Variants in STXBP5L observed in about 807,000 individuals in gnomAD.
STXBP5L encodes the protein syntaxin-binding protein 5-like.
In STXBP5L, 65 loss-of-function variants were observed where a neutral mutation model predicts 144.5. The observed-to-expected ratio is 0.45, with a 90% CI of 0.37 to 0.55. The LOEUF (loss-of-function observed/expected upper bound fraction) is 0.55. STXBP5L is among the 20% of genes least tolerant of loss of function. The pLI, the probability that STXBP5L is intolerant of heterozygous loss-of-function variation, is 0.00. For missense variants in STXBP5L, 1,298 were observed against 1,405.5 expected, an observed-to-expected ratio of 0.92 and a Z score of 1.22; for synonymous variants, 505 against 469.6, an observed-to-expected ratio of 1.08 and a Z score of -0.97.
At chr3:121,209,960 G>T (rs1018663974) in intron 10 of STXBP5L, among the ~76,000 whole-genome samples, 2 of 152,086 alleles carry the variant, frequency 1.3e-5, no homozygotes, top group Non-Finnish European at 2.9e-5. Flanking sequence ...ATAATGGGAT[G>T]GCTGGGTCAA....
Position 121,245,817 on chromosome 3 carries a change from A to G in STXBP5L, c.1401-4906A>G, listed in dbSNP as rs181860783. The stretch of plus-strand genomic sequence containing the variant: ...CAAACATTGACAAAATTGAAGAAAC[A>G]AACAGAATAACACAATAATAGTAAT... On this transcript the variant is annotated intron_variant, in intron 14 of 26. Coordinates refer to ENST00000471454, the MANE Select transcript of STXBP5L (RefSeq NM_001308330.2). Among the ~76,000 whole-genome samples, 448 of 152,146 alleles carry G rather than the reference A, an allele frequency of 2.9e-3. 3 individuals carry two copies. Among genetic ancestry groups the G allele is most frequent in the Admixed American group, 9.5e-3 (145 of 15,296 alleles).
chr3:121,198,894 A>C (rs1464855433), intron 9 of STXBP5L, among the ~76,000 whole-genome samples: 1 of 152,166 alleles, frequency 6.6e-6, no homozygotes, highest in African/African-American at 2.4e-5. Flanking sequence ...GTAGCCTTGT[A>C]GTATAGTGTG....
intron 20 of STXBP5L, among the ~76,000 whole-genome samples, chr3:121,342,593 A>C (rs1351102666): frequency 6.8e-6 from 1 of 146,580 alleles, no homozygotes; most frequent in Admixed American, 7.2e-5. Flanking sequence ...GAGAATATGC[A>C]GTGTTTGGTT....
chr3:121,413,982 T>C (rs958208246), intron 24 of STXBP5L, among the ~76,000 whole-genome samples: 2 of 152,194 alleles, frequency 1.3e-5, no homozygotes, highest in African/African-American at 2.4e-5. Flanking sequence ...TTTCTGTGAC[T>C]TTGGGCATTT....
rs140945862 is a variant in STXBP5L, at chr3:121,060,359, C to T, written c.470+14824C>T. On this transcript the variant is annotated intron_variant, in intron 5 of 26. Coordinates refer to ENST00000471454, the MANE Select transcript of STXBP5L (RefSeq NM_001308330.2). ...GGTGGATAAGCTTTTTGATGTGCTGCTGGACTTGGTTTGTCAGTATTTTAT... is the reference window on the plus strand; with the variant it reads ...GGTGGATAAGCTTTTTGATGTGCTGTTGGACTTGGTTTGTCAGTATTTTAT... Among the ~76,000 whole-genome samples the T allele has an allele frequency of 2.8e-4, 43 of 152,228 alleles. 1 individual carries two copies. In the East Asian group the frequency reaches 4.8e-3, roughly 17 times the overall value.
At chr3:121,088,144 G>C (rs1193208064) in intron 5 of STXBP5L, among the ~76,000 whole-genome samples, 1 of 150,380 alleles carries the variant, frequency 6.6e-6, no homozygotes, top group East Asian at 1.9e-4. Flanking sequence ...TACCATCAGA[G>C]TGAACAGGCA....
intron 2 of STXBP5L, among the ~76,000 whole-genome samples, chr3:120,911,296 T>A (rs1708825558): frequency 6.6e-6 from 1 of 152,100 alleles, no homozygotes. Flanking sequence ...TATCTTCCCA[T>A]TTATTCAGGC....
intron 5 of STXBP5L, among the ~76,000 whole-genome samples, chr3:121,057,636 T>C (rs1948552845): frequency 6.6e-6 from 1 of 152,082 alleles, no homozygotes. Flanking sequence ...GTTCCATCCA[T>C]GTGGCATTTA....
At chr3:121,127,705 T>G (rs566042562) in intron 7 of STXBP5L, among the ~76,000 whole-genome samples, 21 of 151,898 alleles carry the variant, frequency 1.4e-4, no homozygotes, top group Non-Finnish European at 2.8e-4. Flanking sequence ...ATTCTGAGGT[T>G]CTGGGTGCAC....
At chr3:120,956,055 C>G (rs900816793) in intron 3 of STXBP5L, among the ~76,000 whole-genome samples, 1 of 151,396 alleles carries the variant, frequency 6.6e-6, no homozygotes, top group African/African-American at 2.4e-5. Context: ...AGAAATTTGA[C>G]TTGTTTCTGG....
intron 3 of STXBP5L, among the ~76,000 whole-genome samples, chr3:120,977,768 T>C (rs1392453562): frequency 3.3e-5 from 5 of 152,144 alleles, no homozygotes; most frequent in Admixed American, 3.3e-4. Flanking sequence ...AGCATTTGCT[T>C]GTCTGTGAAG....
At chr3:120,982,429 AG>A (rs1941872373) in intron 3 of STXBP5L, among the ~76,000 whole-genome samples, 2 of 152,150 alleles carry the variant, frequency 1.3e-5, no homozygotes, top group Non-Finnish European at 2.9e-5. Flanking sequence ...TCTCTGAAGG[AG>A]GGGAGTTGGC....
At chr3:121,001,014 T>C (rs1340205034) in intron 3 of STXBP5L, among the ~76,000 whole-genome samples, 2 of 151,892 alleles carry the variant, frequency 1.3e-5, no homozygotes, top group East Asian at 3.9e-4. Context: ...GGGAAGGGGG[T>C]AAGTGTTTCT....
intron 9 of STXBP5L, among the ~76,000 whole-genome samples, chr3:121,204,772 G>A (rs2048273389): frequency 6.6e-6 from 1 of 152,046 alleles, no homozygotes; most frequent in African/African-American, 2.4e-5. Flanking sequence ...ACACAAGCCA[G>A]TTTAACCAAA....
In STXBP5L at chr3:121,068,867, C is replaced by A. The variant is rs907429245; in HGVS notation, c.470+23332C>A. Among the ~76,000 whole-genome samples, 8 of 152,114 alleles carry A rather than the reference C, an allele frequency of 5.3e-5. No individual in the cohort carries two copies. The East Asian group carries it at 1.4e-3, about 26-fold the overall frequency. ...TACTGCAGCTTTGTTAGAACAAATT[C>A]TCTCTGCTTTTATTATTTCACTTTT... On this transcript the variant is annotated intron_variant, in intron 5 of 26. Coordinates refer to ENST00000471454, the MANE Select transcript of STXBP5L (RefSeq NM_001308330.2).
intron 5 of STXBP5L, among the ~76,000 whole-genome samples, chr3:121,046,901 G>T (rs1412044703): frequency 6.6e-6 from 1 of 151,728 alleles, no homozygotes; most frequent in Non-Finnish European, 1.5e-5. Context: ...TGCTAGCTTT[G>T]GGTTTGTTTT....
At chr3:121,170,676 G>A (rs2046675917) in intron 9 of STXBP5L, among the ~76,000 whole-genome samples, 1 of 152,156 alleles carries the variant, frequency 6.6e-6, no homozygotes, top group South Asian at 2.1e-4. Context: ...CCAATTACAA[G>A]TTCTAAAATT....
At chr3:120,930,379 G>A (rs1055512604) in intron 2 of STXBP5L, among the ~76,000 whole-genome samples, 1 of 151,640 alleles carries the variant, frequency 6.6e-6, no homozygotes, top group African/African-American at 2.4e-5. Flanking sequence ...ATATTGATGT[G>A]TTTTGGCTGT....
intron 26 of STXBP5L, 126 bp from the exon 27 acceptor site, chr3:121,418,930 A>G: frequency 1.0e-6 from 1 of 993,490 alleles, no homozygotes; most frequent in African/African-American, 1.7e-5. Flanking sequence ...TCACAAAATA[A>G]AAGAAGCCAC....
Sources: allele counts gnomAD v4.1 joint callset (sites outside exome capture counted in the v4.1 genomes callset), GRCh38; gene constraint gnomAD v4.1.1; transcripts MANE v1.5; gene names NCBI Gene and HGNC (gene_info 2026-07-23, HGNC 2026-07-21).